The following NHSL1 variants were observed in gnomAD, a reference collection of about 807,000 sequenced individuals.
The protein encoded by NHSL1 is NHS-like protein 1.
NHSL1 carries 48 observed loss-of-function variants against 95.0 expected under a neutral mutation model. That is an observed-to-expected ratio of 0.51 (90% CI 0.40 to 0.64). The LOEUF is 0.64. Ranked by LOEUF, NHSL1 falls within the 30% of genes least tolerant of loss-of-function variation. The pLI, the probability that NHSL1 is intolerant of heterozygous loss-of-function variation, is 0.00. For missense variants in NHSL1, 1,971 were observed against 2,077.7 expected, an observed-to-expected ratio of 0.95 and a Z score of 1.00; for synonymous variants, 783 against 833.9, an observed-to-expected ratio of 0.94 and a Z score of 1.05.
At chr6:138,467,385 C>T (rs556526290) in intron 3 of NHSL1, among the ~76,000 whole-genome samples, 2 of 152,166 alleles carry the variant, frequency 1.3e-5, no homozygotes, top group Admixed American at 6.5e-5. Flanking sequence ...ATCTCCTGAC[C>T]TCATGATCCG....
rs758616305 is a variant in NHSL1, at chr6:138,571,852, TGA to T, written c.58_59del (p.Ser20ThrfsTer22). On this transcript the variant is annotated frameshift_variant, in exon 1 of 7. Coordinates refer to the NHSL1 transcript ENST00000427025. LOFTEE classifies it high-confidence loss of function. ...AGAAATTTATCCAACTTACAGCACG[TGA>T]GAGAGAACCTGTATTCGGCTGGAGT... 70 of 1,551,598 alleles carry T rather than the reference TGA, an allele frequency of 4.5e-5. No homozygotes were observed. Among genetic ancestry groups the T allele is most frequent in the Non-Finnish European group, 5.9e-5 (68 of 1,146,940 alleles).
chr6:138,519,763 C>A (rs1273626188), intron 1 of NHSL1, among the ~76,000 whole-genome samples: 2 of 152,200 alleles, frequency 1.3e-5, no homozygotes, highest in African/African-American at 4.8e-5. Context: ...AGAACACTTA[C>A]ATGGGCAGTA....
rs1008613074 is a variant in NHSL1, at chr6:138,422,577, G to A, written c.*1504C>T. On this transcript the variant is annotated 3_prime_UTR_variant, in exon 8 of 8. Transcript: ENST00000343505. ...TGTCATCCTAGGTCCTTCTAATGAAGAAGACAATACTCTAGTTTATTTAAC... is the reference window on the plus strand; with the variant it reads ...TGTCATCCTAGGTCCTTCTAATGAAAAAGACAATACTCTAGTTTATTTAAC... 6.6e-6 allele frequency: 1 copy of A among 152,164 alleles called. No individual in the cohort carries two copies. Among genetic ancestry groups the A allele is most frequent in the Non-Finnish European group, 1.5e-5 (1 of 68,030 alleles). The allele number at this position is 152,164 out of a possible 1,614,324, so 9.4% of individuals were successfully genotyped here. A position where few individuals can be genotyped will look rare whatever the true frequency, so the allele number is the denominator to read the frequency against.
intron 1 of NHSL1, among the ~76,000 whole-genome samples, chr6:138,641,330 G>A (rs966819817): frequency 2.6e-5 from 4 of 152,134 alleles, no homozygotes; most frequent in African/African-American, 4.8e-5. Flanking sequence ...AATGCAGAAC[G>A]TGAATACACC....
intron 1 of NHSL1, among the ~76,000 whole-genome samples, chr6:138,616,325 C>T (rs1784577703): frequency 6.6e-6 from 1 of 152,144 alleles, no homozygotes; most frequent in South Asian, 2.1e-4. Context: ...TAGCCTACAA[C>T]ATTGTATTCC....
chr6:138,646,717 G>A (rs1785025268), intron 1 of NHSL1, among the ~76,000 whole-genome samples: 1 of 152,196 alleles, frequency 6.6e-6, no homozygotes, highest in South Asian at 2.1e-4. Flanking sequence ...AAAATTGAGT[G>A]TGTACTTACA....
At position 138,424,369 on chromosome 6, in the gene NHSL1, G is replaced by C. The variant is rs1286885197; in HGVS notation, c.4533C>G (p.Tyr1511Ter). ...RTPPSAASSR[Y>*]SMRNRIQSSP... Reference sequence around the variant, plus strand: ...TGCTCTGGATCCGGTTCCGCATGCTGTACCTGCTGCTGGCGGCAGAAGGCG... The same window carrying C: ...TGCTCTGGATCCGGTTCCGCATGCTCTACCTGCTGCTGGCGGCAGAAGGCG... The change falls in exon 8 of 8, where the codon TAC (tyrosine) becomes TAG (stop). Residue 1511 changes from tyrosine (Y) to a stop codon, truncating the protein, a stop_gained. Coordinates refer to ENST00000343505, the MANE Select transcript of NHSL1 (RefSeq NM_001144060.2). LOFTEE classifies it low-confidence loss of function (END_TRUNC). The surrounding 1 kb of genome is among the most constrained non-coding windows in gnomAD (Gnocchi z 5.9). The C allele has an allele frequency of 6.5e-7, 1 of 1,549,292 alleles. No individual in the cohort carries two copies.
chr6:138,660,187 C>T (rs1037573297), intron 1 of NHSL1, among the ~76,000 whole-genome samples: 8 of 152,214 alleles, frequency 5.3e-5, no homozygotes, highest in African/African-American at 9.7e-5. Flanking sequence ...AATACACCTA[C>T]GTAGTTCCTT....
intron 1 of NHSL1, among the ~76,000 whole-genome samples, chr6:138,612,731 A>G (rs558291052): frequency 3.9e-5 from 6 of 152,208 alleles, no homozygotes; most frequent in Non-Finnish European, 5.9e-5. Context: ...AACTAACCTG[A>G]CACAGTAGCA....
At chr6:138,435,669 G>A (rs1040681341) in intron 5 of NHSL1, among the ~76,000 whole-genome samples, 7 of 151,284 alleles carry the variant, frequency 4.6e-5, no homozygotes, top group Middle Eastern at 7.0e-3. Flanking sequence ...TGCATACGTC[G>A]TTTTACTGTG....
rs1174925637 is a variant in NHSL1, at chr6:138,424,192, C to T, written c.4710G>A (p.Gly1570=). The change falls in exon 8 of 8, where the codon GGG becomes GGA. Residue 1570 remains glycine, a synonymous_variant. Coordinates refer to ENST00000343505, the MANE Select transcript of NHSL1 (RefSeq NM_001144060.2). The surrounding 1 kb of genome is among the most constrained non-coding windows in gnomAD (Gnocchi z 5.9). ...CCTGGGGCTGCAGGGAGGCGGCAGG[C>T]CCCTCCCCACAGAGCAGGCCGCCCT... ...MDEGGLLCGE[G]PAASLQPQAP... 3.6e-5 allele frequency: 53 copies of T among 1,480,146 alleles called. No individual in the cohort carries two copies. The highest frequency in any genetic ancestry group is 1.8e-4 in the Middle Eastern group (1 of 5,682). 91.7% of individuals were successfully genotyped at this position (1,480,146 alleles called of 1,614,324 possible). A position where few individuals can be genotyped will look rare whatever the true frequency, so the allele number is the denominator to read the frequency against.
At chr6:138,517,313 A>C (rs1489094345) in intron 1 of NHSL1, among the ~76,000 whole-genome samples, 2 of 152,140 alleles carry the variant, frequency 1.3e-5, no homozygotes, top group Admixed American at 6.6e-5. Context: ...TGTCAGACTG[A>C]TTTTTTTCTA....
chr6:138,482,365 G>A (rs1386024673), intron 2 of NHSL1, among the ~76,000 whole-genome samples: 1 of 149,322 alleles, frequency 6.7e-6, no homozygotes, highest in Non-Finnish European at 1.5e-5. Flanking sequence ...AGAATTGCTT[G>A]AACCCGGGAG....
chr6:138,450,369 T>C (rs1444584055), intron 3 of NHSL1, among the ~76,000 whole-genome samples: 1 of 152,200 alleles, frequency 6.6e-6, no homozygotes, highest in African/African-American at 2.4e-5. Context: ...AGTATAAAGC[T>C]TGAAGGCAGT....
intron 3 of NHSL1, among the ~76,000 whole-genome samples, chr6:138,459,633 G>T (rs1021499000): frequency 7.2e-5 from 11 of 152,112 alleles, no homozygotes; most frequent in African/African-American, 2.4e-4. Context: ...ATGCTAAGTG[G>T]TAATAATGAT....
At chr6:138,611,724 C>T (rs548683294) in intron 1 of NHSL1, among the ~76,000 whole-genome samples, 54 of 150,640 alleles carry the variant, frequency 3.6e-4, no homozygotes, top group African/African-American at 1.3e-3. Flanking sequence ...CCAGCCTGGG[C>T]GAAAGAGCGA....
intron 1 of NHSL1, among the ~76,000 whole-genome samples, chr6:138,569,235 T>G (rs1203420073): frequency 6.7e-6 from 1 of 149,508 alleles, no homozygotes; most frequent in Non-Finnish European, 1.5e-5. Context: ...TGCATGATGG[T>G]TGTGTGTATA....
intron 2 of NHSL1, 36 bp downstream of exon 2, chr6:138,496,183 C>T (rs1199909982): frequency 6.5e-7 from 1 of 1,549,322 alleles, no homozygotes. Flanking sequence ...CAGCCAGTAA[C>T]CCAAGAAAAT....
At chr6:138,582,561 T>G (rs982000745) in intron 1 of NHSL1, among the ~76,000 whole-genome samples, 3 of 152,332 alleles carry the variant, frequency 2.0e-5, no homozygotes, top group Admixed American at 6.5e-5. Context: ...AAGAATGTGA[T>G]GAAGTATCTC....
Sources: gnomAD v4.1 joint callset for allele counts (sites outside exome capture counted in the v4.1 genomes callset) on GRCh38, gnomAD v4.1.1 for gene constraint, Gnocchi (gnomAD v3.1) non-coding constraint, MANE v1.5 for transcripts, NCBI Gene and HGNC (gene_info 2026-07-23, HGNC 2026-07-21) for gene names.